Variants in UNC5D observed in about 807,000 individuals in gnomAD.
The protein encoded by UNC5D is netrin receptor UNC5D.
UNC5D carries 39 observed loss-of-function variants against 105.4 expected under a neutral mutation model. The observed-to-expected ratio is 0.37, with a 90% CI of 0.29 to 0.48. The LOEUF is 0.48. UNC5D is among the 20% of genes least tolerant of loss of function. The pLI, the probability that UNC5D is intolerant of heterozygous loss-of-function variation, is 0.98. For synonymous variants in UNC5D, 452 were observed against 450.4 expected (o/e 1.00, Z -0.04); for missense variants, 991 against 1,202.4 (o/e 0.82, Z 2.60).
At chr8:35,457,729 C>A (rs913134182) in intron 1 of UNC5D, among the ~76,000 whole-genome samples, 2 of 152,072 alleles carry the variant, frequency 1.3e-5, no homozygotes, top group Non-Finnish European at 2.9e-5. Context: ...TTGTAAGTTT[C>A]CAAGACACTT....
At chr8:35,411,604 A>C (rs1480907233) in intron 1 of UNC5D, among the ~76,000 whole-genome samples, 1 of 152,058 alleles carries the variant, frequency 6.6e-6, no homozygotes, top group Non-Finnish European at 1.5e-5. Flanking sequence ...CTTGAATATC[A>C]CCTATTTAAA....
chr8:35,372,596 A>G (rs1802486698), intron 1 of UNC5D, among the ~76,000 whole-genome samples: 1 of 151,908 alleles, frequency 6.6e-6, no homozygotes, highest in African/African-American at 2.4e-5. Context: ...ATGCTCTAAT[A>G]TTTTATTATT....
intron 1 of UNC5D, among the ~76,000 whole-genome samples, chr8:35,502,013 CAA>C (rs748442996): frequency 7.9e-5 from 12 of 152,150 alleles, no homozygotes; most frequent in Non-Finnish European, 1.5e-4. Flanking sequence ...ATTTATAAGA[CAA>C]GAGACTACAA....
Position 35,627,904 on chromosome 8 carries a change from G to A in UNC5D, c.570+32247G>A, listed in dbSNP as rs574874450. On this transcript the variant is annotated intron_variant, in intron 4 of 16. Coordinates refer to ENST00000404895, the MANE Select transcript of UNC5D (RefSeq NM_080872.4). The stretch of plus-strand genomic sequence containing the variant: ...GTTGTGCCACTACACTACCGCCTGG[G>A]TGACAGAGCGAGACTGTCTCAAAAA... Among the ~76,000 whole-genome samples, 12 of 152,262 alleles carry A rather than the reference G, an allele frequency of 7.9e-5. 1 individual carries two copies. The South Asian group carries it at 2.5e-3, about 32-fold the overall frequency.
intron 1 of UNC5D, among the ~76,000 whole-genome samples, chr8:35,485,991 G>A (rs1810793843): frequency 6.6e-6 from 1 of 152,066 alleles, no homozygotes; most frequent in African/African-American, 2.4e-5. Flanking sequence ...GGATCACATG[G>A]GGTCTAGCTG....
intron 8 of UNC5D, among the ~76,000 whole-genome samples, chr8:35,711,237 T>C (rs762267639): frequency 6.6e-6 from 1 of 152,046 alleles, no homozygotes; most frequent in Non-Finnish European, 1.5e-5. Flanking sequence ...TGAAGTGCAG[T>C]GGTGCGATCT....
At chr8:35,237,130 C>G (rs1404278042) in intron 1 of UNC5D, among the ~76,000 whole-genome samples, 1 of 149,466 alleles carries the variant, frequency 6.7e-6, no homozygotes, top group African/African-American at 2.5e-5. Context: ...TAGAGGCTCT[C>G]CATTGTATGA....
chr8:35,719,414 A>G (rs181014096), intron 8 of UNC5D, among the ~76,000 whole-genome samples: 3 of 152,286 alleles, frequency 2.0e-5, no homozygotes, highest in East Asian at 3.9e-4. Context: ...AGGTAGATCG[A>G]AGAGAGAAGG....
At chr8:35,658,644 C>CTTTTTTT (rs34252660) in intron 4 of UNC5D, among the ~76,000 whole-genome samples, 1 of 84,366 alleles carries the variant, frequency 1.2e-5, no homozygotes, top group African/African-American at 4.5e-5. Flanking sequence ...TCATGAGTGA[C>CTTTTTTT]TTTTTTTTTT....
At chr8:35,680,355 T>G (rs1425883467) in intron 4 of UNC5D, among the ~76,000 whole-genome samples, 2 of 152,230 alleles carry the variant, frequency 1.3e-5, no homozygotes, top group Non-Finnish European at 2.9e-5. Context: ...TTATTAATTT[T>G]AGACTTTATT....
intron 1 of UNC5D, among the ~76,000 whole-genome samples, chr8:35,312,957 A>G (rs547936347): frequency 2.0e-5 from 3 of 152,340 alleles, no homozygotes; most frequent in Non-Finnish European, 4.4e-5. Flanking sequence ...ATGCACTCAC[A>G]TGACCGTTTT....
chr8:35,678,593 A>T (rs1825435821), intron 4 of UNC5D, among the ~76,000 whole-genome samples: 1 of 152,106 alleles, frequency 6.6e-6, no homozygotes, highest in African/African-American at 2.4e-5. Flanking sequence ...TATGTTTATT[A>T]TTGTTTTTGT....
At chr8:35,416,125 C>A (rs1805516828) in intron 1 of UNC5D, among the ~76,000 whole-genome samples, 1 of 151,904 alleles carries the variant, frequency 6.6e-6, no homozygotes, top group African/African-American at 2.4e-5. Flanking sequence ...GCATTGTATG[C>A]CTGTATCAAA....
At chr8:35,567,163 A>AC (rs1023107301) in intron 2 of UNC5D, among the ~76,000 whole-genome samples, 3 of 150,722 alleles carry the variant, frequency 2.0e-5, no homozygotes, top group South Asian at 4.2e-4. Context: ...TTCTATAAAA[A>AC]CCCCCCTTTC....
chr8:35,447,087 G>A (rs552907971), intron 1 of UNC5D, among the ~76,000 whole-genome samples: 22 of 152,140 alleles, frequency 1.4e-4, no homozygotes, highest in Non-Finnish European at 2.9e-4. Context: ...ATGCCATATG[G>A]TTTTACGTGT....
chr8:35,619,178 A>G (rs976253832), intron 4 of UNC5D, among the ~76,000 whole-genome samples: 14 of 152,338 alleles, frequency 9.2e-5, no homozygotes, highest in African/African-American at 3.4e-4. Context: ...AATAATAATC[A>G]TAACAGCATT....
At chr8:35,300,109 G>A (rs1017475674) in intron 1 of UNC5D, among the ~76,000 whole-genome samples, 2 of 152,026 alleles carry the variant, frequency 1.3e-5, no homozygotes, top group African/African-American at 4.8e-5. Flanking sequence ...GTAGAGATGA[G>A]GAAGAACAGC....
rs569129748 is a variant in UNC5D, at chr8:35,366,180, A to AT, written c.103+130302dup. Among the ~76,000 whole-genome samples, 183 of 151,110 alleles carry AT rather than the reference A, an allele frequency of 1.2e-3. 1 individual carries two copies. The highest frequency in any genetic ancestry group is 5.6e-3 in the East Asian group (29 of 5,136). On this transcript the variant is annotated intron_variant, in intron 1 of 16. Transcript: ENST00000404895. ...AACCCCATTTAAGTGAACTAATTGC[A>AT]TTTTTTTTTCTAAATCAGGCGTCTT...
At chr8:35,251,194 A>G (rs1337946220) in intron 1 of UNC5D, among the ~76,000 whole-genome samples, 1 of 152,158 alleles carries the variant, frequency 6.6e-6, no homozygotes. Flanking sequence ...AAATTTATAA[A>G]GGAAAGATAT....
Sources: allele counts gnomAD v4.1 joint callset (sites outside exome capture counted in the v4.1 genomes callset), GRCh38; gene constraint gnomAD v4.1.1; transcripts MANE v1.5; gene names NCBI Gene and HGNC (gene_info 2026-07-23, HGNC 2026-07-21).